The following OR4D9 variants were observed in gnomAD, a reference collection of about 807,000 sequenced individuals.
OR4D9 encodes olfactory receptor family 4 subfamily D member 9.
A neutral mutation model predicts 0.8 loss-of-function variants in OR4D9; 2 were observed. The observed-to-expected ratio is 2.58, with a 90% confidence interval of 1.06 to 8.13. The LOEUF is 8.13. Among genes scored for constraint, OR4D9 ranks in the 30% most tolerant of loss-of-function variants. The pLI, the probability that OR4D9 is intolerant of heterozygous loss-of-function variation, is 0.04. For synonymous variants in OR4D9, 146 were observed against 151.2 expected, an observed-to-expected ratio of 0.97 and a Z score of 0.25; for missense variants, 399 against 384.7, an observed-to-expected ratio of 1.04 and a Z score of -0.31.
At position 59,514,907 on chromosome 11, in the gene OR4D9, G is replaced by C; in HGVS notation, c.-6G>C. On this transcript the variant is annotated 5_prime_UTR_variant, in exon 3 of 3. It removes the in-frame stop codon of an upstream open reading frame in the 5' UTR. Transcript: ENST00000641962. ...GAGATGAACCTGATAAAGGATCTGT[G>C]ATTCAATGGATCAGAGAAATTACAC... 1 of 1,569,414 alleles carries C rather than the reference G, an allele frequency of 6.4e-7. No homozygotes were observed. The highest frequency in any genetic ancestry group is 1.1e-5 in the South Asian group (1 of 88,146).
In OR4D9 at chr11:59,518,586, C is replaced by T. The variant is rs1233559714; in HGVS notation, c.*2729C>T. ...TTATTTTCATAGAGATGAGGTCTCA[C>T]TAAGTTGCCCAGGCTGGTTGAAATT... is the stretch of plus-strand genomic sequence containing the variant. On this transcript the variant is annotated 3_prime_UTR_variant, in exon 3 of 3. Coordinates refer to ENST00000641962, the MANE Select transcript of OR4D9 (RefSeq NM_001004711.2). The T allele has an allele frequency of 2.0e-5, 3 of 152,330 alleles. No homozygotes were observed. In the East Asian group the frequency reaches 5.8e-4, roughly 29 times the overall value. The allele number at this position is 152,330 out of a possible 1,614,324, so 9.4% of individuals were successfully genotyped here.
chr11:59,512,300 C>CTTTTTT (rs71036528), intron 1 of OR4D9, among the ~76,000 whole-genome samples: 2 of 125,498 alleles, frequency 1.6e-5, no homozygotes, highest in African/African-American at 3.1e-5. Flanking sequence ...TTTCTTTTTT[C>CTTTTTT]TTTTTTTTTT....
In OR4D9 at chr11:59,515,826, T is replaced by C. The variant is rs79922105; in HGVS notation, c.914T>C (p.Leu305Pro). ...KLAMRKLKRR[L>P]GQSERILIQ is the part of the protein sequence containing the mutation. ...GCCATGAGGAAACTGAAGAGACGGC[T>C]AGGACAATCAGAAAGGATTTTAATT... Residue 305 changes from leucine (L) to proline (P), a missense_variant, in exon 3 of 3, where the codon CTA becomes CCA. Transcript: ENST00000641962. 3.6e-3 allele frequency: 5,771 copies of C among 1,613,398 alleles called. 180 individuals carry two copies. In the African/African-American group the frequency reaches 0.067, roughly 19 times the overall value.
chr11:59,514,800 T>C lies in OR4D9; in HGVS notation c.-31+34T>C, dbSNP rs1017883444. ...ATAGGGAAAAGAGCTTCCTCCTAAT[T>C]CTGAGCCAAATCTTAAGTGAAAAGA... On this transcript the variant is annotated intron_variant, in intron 2 of 2. Coordinates refer to ENST00000641962, the MANE Select transcript of OR4D9 (RefSeq NM_001004711.2). The C allele has an allele frequency of 7.6e-5, 56 of 734,010 alleles. No individual in the cohort carries two copies. The Admixed American group carries it at 1.1e-3, about 15-fold the overall frequency. The allele number at this position is 734,010 out of a possible 1,614,324, so 45.5% of individuals were successfully genotyped here.
intron 1 of OR4D9, among the ~76,000 whole-genome samples, chr11:59,512,233 G>A (rs142391285): frequency 1.7e-4 from 26 of 151,520 alleles, no homozygotes; most frequent in Middle Eastern, 3.4e-3. Flanking sequence ...TGCAGGCTCT[G>A]TCCAAGATAC....
At position 59,517,430 on chromosome 11, in the gene OR4D9, T is replaced by C. The variant is rs968015958; in HGVS notation, c.*1573T>C. On this transcript the variant is annotated 3_prime_UTR_variant, in exon 3 of 3. Transcript: ENST00000641962. ...ACTCCATTTATGACCACCTGAACAA[T>C]GCAAGCCCATGATTTCTGTTGAGGA... is the stretch of plus-strand genomic sequence containing the variant. 14 of 152,132 alleles carry C rather than the reference T, an allele frequency of 9.2e-5. No individual in the cohort carries two copies. Among genetic ancestry groups the C allele is most frequent in the African/African-American group, 3.1e-4 (13 of 41,416 alleles). The allele number at this position is 152,132 out of a possible 1,614,324, so 9.4% of individuals were successfully genotyped here. A position where few individuals can be genotyped will look rare whatever the true frequency, so the allele number is the denominator to read the frequency against.
chr11:59,520,517 GA>G lies in OR4D9; in HGVS notation c.*4661del, dbSNP rs1859463651. 1 of 150,114 alleles carries G rather than the reference GA, an allele frequency of 6.7e-6. No individual in the cohort carries two copies. The highest frequency in any genetic ancestry group is 6.7e-5 in the Admixed American group (1 of 14,986). The allele number at this position is 150,114 out of a possible 1,614,324, so 9.3% of individuals were successfully genotyped here. On this transcript the variant is annotated 3_prime_UTR_variant, in exon 3 of 3. Coordinates refer to ENST00000641962, the MANE Select transcript of OR4D9 (RefSeq NM_001004711.2). ...GGAGATATACCTAATGCTAAATGAC[GA>G]GTTAATGGGCACAGCACACCAGCAT...
intron 1 of OR4D9, among the ~76,000 whole-genome samples, chr11:59,513,738 G>A (rs1169278183): frequency 6.6e-6 from 1 of 152,032 alleles, no homozygotes; most frequent in Non-Finnish European, 1.5e-5. Flanking sequence ...TTTGAGACCA[G>A]CCTGGGTAAC....
Position 59,515,260 on chromosome 11 carries a change from T to C in OR4D9, c.348T>C (p.Ser116=). 1 of 1,613,026 alleles carries C rather than the reference T, an allele frequency of 6.2e-7. No homozygotes were observed. The highest frequency in any genetic ancestry group is 1.1e-5 in the South Asian group (1 of 90,936). The part of the protein sequence containing the change: ...LLGGADVFSL[S]VMAFDRYIAI... ...GGGGAGCAGACGTTTTTTCTCTCTC[T>C]GTGATGGCGTTTGACCGCTATATAG... Residue 116 remains serine, a synonymous_variant, in exon 3 of 3, where the codon TCT becomes TCC. Coordinates refer to ENST00000641962, the MANE Select transcript of OR4D9 (RefSeq NM_001004711.2).
rs757810147 is a variant in OR4D9, at chr11:59,515,623, C to T, written c.711C>T (p.Ile237=). The change falls in exon 3 of 3, where the codon ATC becomes ATT. Residue 237 remains isoleucine (I), a synonymous_variant. Coordinates refer to ENST00000641962, the MANE Select transcript of OR4D9 (RefSeq NM_001004711.2). ...CTGGGGAAGGCAGGAGGAAAGCCAT[C>T]TCCACCTGCACCTCCCACATCACCG... ...SHTGEGRRKA[I]STCTSHITVV... is the part of the protein sequence containing the mutation. 5.0e-6 allele frequency: 8 copies of T among 1,614,158 alleles called. No individual in the cohort carries two copies. Among genetic ancestry groups the T allele is most frequent in the Non-Finnish European group, 4.2e-6 (5 of 1,180,016 alleles).
rs1454078807 is a variant in OR4D9, at chr11:59,515,762, C to T, written c.850C>T (p.Pro284Ser). Residue 284 changes from proline (P) to serine (S), a missense_variant, in exon 3 of 3, where the codon CCT (proline) becomes TCT (serine). Coordinates refer to ENST00000641962, the MANE Select transcript of OR4D9 (RefSeq NM_001004711.2). ...TFTVISPLLNPIIYTLRNQEM... is the reference protein window; with the variant it reads ...TFTVISPLLNSIIYTLRNQEM... ...CACTGTCATCTCCCCTTTGCTCAAT[C>T]CTATAATTTACACGCTGAGGAATCA... The T allele has an allele frequency of 6.2e-7, 1 of 1,614,090 alleles. No individual in the cohort carries two copies. The highest frequency in any genetic ancestry group is 1.3e-5 in the African/African-American group (1 of 75,010).
In OR4D9 at chr11:59,515,870, AC is replaced by A; in HGVS notation, c.*16del. The A allele has an allele frequency of 6.5e-7, 1 of 1,540,676 alleles. No homozygotes were observed. The highest frequency in any genetic ancestry group is 8.8e-7 in the Non-Finnish European group (1 of 1,134,392). On this transcript the variant is annotated 3_prime_UTR_variant, in exon 3 of 3. Transcript: ENST00000641962. ...TTTAATTCAATAAGGGTAAGATAGT[AC>A]CCATATTTAAAGATAGACATTAAAT...
At position 59,515,063 on chromosome 11, in the gene OR4D9, T is replaced by C. The variant is rs145377551; in HGVS notation, c.151T>C (p.Cys51Arg). The C allele has an allele frequency of 1.6e-4, 255 of 1,614,184 alleles. 1 individual carries two copies. In the African/African-American group the frequency reaches 3.0e-3, roughly 19 times the overall value. ...CTTCCTCATCATGGTTACAGTTACC[T>C]GTGAATCTCACCTTCATACGCCCAT... ...GNFLIMVTVT[C>R]ESHLHTPMYF... The change falls in exon 3 of 3, where the codon TGT (cysteine) becomes CGT (arginine). Residue 51 changes from cysteine (C) to arginine (R), a missense_variant. By Grantham distance (180) the Cys-to-Arg change is radical. Coordinates refer to ENST00000641962, the MANE Select transcript of OR4D9 (RefSeq NM_001004711.2).
In OR4D9 at chr11:59,519,710, T is replaced by C. The variant is rs1400548787; in HGVS notation, c.*3853T>C. The C allele has an allele frequency of 6.6e-6, 1 of 152,170 alleles. No individual in the cohort carries two copies. The highest frequency in any genetic ancestry group is 1.5e-5 in the Non-Finnish European group (1 of 68,028). The allele number at this position is 152,170 out of a possible 1,614,324, so 9.4% of individuals were successfully genotyped here. ...ACTACCATTTGACGCAGCAATCCCA[T>C]TGCTGGGTATATACCCAAAAGAAAA... On this transcript the variant is annotated 3_prime_UTR_variant, in exon 3 of 3. Transcript: ENST00000641962.
chr11:59,518,444 A>T lies in OR4D9; in HGVS notation c.*2587A>T, dbSNP rs1859432770. The T allele has an allele frequency of 6.6e-6, 1 of 152,214 alleles. No homozygotes were observed. The highest frequency in any genetic ancestry group is 1.5e-5 in the Non-Finnish European group (1 of 68,072). 9.4% of individuals were successfully genotyped at this position (152,214 alleles called of 1,614,324 possible). On this transcript the variant is annotated 3_prime_UTR_variant, in exon 3 of 3. Coordinates refer to ENST00000641962, the MANE Select transcript of OR4D9 (RefSeq NM_001004711.2). ...CTAGATCCTCAGAATCCTGTCCATG[A>T]TCCAGCAGATGGAGAAAGGGAGAGA... is the stretch of plus-strand genomic sequence containing the variant.
Position 59,520,271 on chromosome 11 carries a change from T to C in OR4D9, c.*4414T>C, listed in dbSNP as rs1859460124. 6.6e-6 allele frequency: 1 copy of C among 151,916 alleles called. No individual in the cohort carries two copies. Among genetic ancestry groups the C allele is most frequent in the Non-Finnish European group, 1.5e-5 (1 of 67,986 alleles). The allele number at this position is 151,916 out of a possible 1,614,324, so 9.4% of individuals were successfully genotyped here. On this transcript the variant is annotated 3_prime_UTR_variant, in exon 3 of 3. Transcript: ENST00000641962. ...TTTACTCATGTAACAAGCCTACACA[T>C]GCACCCGTTGAACCTAAAATAAAAG...
rs1859400944 is a variant in OR4D9 at position 59,516,039 on chromosome 11, T to C, written c.*182T>C. 7.2e-6 allele frequency: 4 copies of C among 555,818 alleles called. No homozygotes were observed. Among genetic ancestry groups the C allele is most frequent in the Non-Finnish European group, 1.3e-5 (4 of 317,458 alleles). 34.4% of individuals were successfully genotyped at this position (555,818 alleles called of 1,614,324 possible). A position where few individuals can be genotyped will look rare whatever the true frequency, so the allele number is the denominator to read the frequency against. ...GATACTGCTCTAAGACAAAATCCAC[T>C]CAAGTCTTTCCCTACTCACTTTCAA... On this transcript the variant is annotated 3_prime_UTR_variant, in exon 3 of 3. Coordinates refer to ENST00000641962, the MANE Select transcript of OR4D9 (RefSeq NM_001004711.2).
intron 1 of OR4D9, among the ~76,000 whole-genome samples, chr11:59,513,754 G>A (rs1215526142): frequency 1.3e-5 from 2 of 151,878 alleles, no homozygotes; most frequent in Admixed American, 6.6e-5. Flanking sequence ...GTAACATAGG[G>A]AGACCCCAAC....
Position 59,515,828 on chromosome 11 carries a change from G to A in OR4D9, c.916G>A (p.Gly306Arg), listed in dbSNP as rs748025822. The A allele has an allele frequency of 1.9e-6, 3 of 1,613,150 alleles. No homozygotes were observed. The highest frequency in any genetic ancestry group is 2.5e-6 in the Non-Finnish European group (3 of 1,179,382). ...LAMRKLKRRLGQSERILIQ is the reference protein window; with the variant it reads ...LAMRKLKRRLRQSERILIQ ...CATGAGGAAACTGAAGAGACGGCTA[G>A]GACAATCAGAAAGGATTTTAATTCA... Residue 306 changes from glycine (G) to arginine (R), a missense_variant, in exon 3 of 3, where the codon GGA (glycine) becomes AGA (arginine). Coordinates refer to ENST00000641962, the MANE Select transcript of OR4D9 (RefSeq NM_001004711.2).
Sources: allele counts gnomAD v4.1 joint callset (sites outside exome capture counted in the v4.1 genomes callset), GRCh38; gene constraint gnomAD v4.1.1; transcripts MANE v1.5; gene names NCBI Gene and HGNC (gene_info 2026-07-23, HGNC 2026-07-21).